The following NAV2 variants were observed in gnomAD, a reference collection of about 807,000 sequenced individuals.
The protein encoded by NAV2 is helicase, APC down-regulated 1.
Under a neutral mutation model 223.2 loss-of-function variants are expected in NAV2, and 54 were observed. The observed-to-expected ratio is 0.24, with a 90% CI of 0.19 to 0.30. The LOEUF (loss-of-function observed/expected upper bound fraction) is 0.30. NAV2 is among the 10% of genes least tolerant of loss of function. The pLI, the probability that NAV2 is intolerant of heterozygous loss-of-function variation, is 1.00. For missense variants in NAV2, 2,806 were observed against 3,147.5 expected, an observed-to-expected ratio of 0.89 and a Z score of 2.60; for synonymous variants, 1,279 against 1,239.3, an observed-to-expected ratio of 1.03 and a Z score of -0.67.
rs183041126 is a variant in NAV2, at chr11:19,917,264, A to C, written c.932-15912A>C. Among the ~76,000 whole-genome samples, 471 of 152,162 alleles carry C rather than the reference A, an allele frequency of 3.1e-3. 1 individual carries two copies. Among genetic ancestry groups the C allele is most frequent in the Non-Finnish European group, 3.8e-3 (260 of 67,986 alleles). On this transcript the variant is annotated intron_variant, in intron 6 of 37. Transcript: ENST00000349880. ...CTCCCACATTCTGAACAAGAAGCCC[A>C]CCTCCTTGCTGGTTTCCAAGAGATA...
chr11:19,402,634 C>A (rs1009506070), intron 1 of NAV2, among the ~76,000 whole-genome samples: 2 of 152,130 alleles, frequency 1.3e-5, no homozygotes, highest in East Asian at 1.9e-4. Context: ...CTGGAACAAC[C>A]CCTCGCACAT....
intron 3 of NAV2, among the ~76,000 whole-genome samples, chr11:19,851,750 C>T (rs928110711): frequency 2.0e-4 from 31 of 152,198 alleles, no homozygotes; most frequent in Non-Finnish European, 4.6e-4. Flanking sequence ...AACCCATCCC[C>T]AACAATGTTC....
chr11:19,701,403 T>A (rs936894132), intron 1 of NAV2, among the ~76,000 whole-genome samples: 2 of 152,176 alleles, frequency 1.3e-5, no homozygotes, highest in Non-Finnish European at 2.9e-5. Context: ...CATACTCAAA[T>A]CAGCCCTTTG....
Position 19,994,438 on chromosome 11 carries a change from G to A in NAV2, c.2768+10191G>A, listed in dbSNP as rs148095074. ...GGCGGGCGCCTGTAATCCCAGCTGC[G>A]CAGCAGGCTGAGACAGGAGAATCGC... On this transcript the variant is annotated intron_variant, in intron 11 of 37. Transcript: ENST00000349880. Among the ~76,000 whole-genome samples, 421 of 152,042 alleles carry A rather than the reference G, an allele frequency of 2.8e-3. 1 individual carries two copies. Among genetic ancestry groups the A allele is most frequent in the African/African-American group, 9.5e-3 (393 of 41,474 alleles).
At chr11:19,977,445 G>T (rs145726088) in intron 10 of NAV2, among the ~76,000 whole-genome samples, 26 of 152,274 alleles carry the variant, frequency 1.7e-4, no homozygotes, top group African/African-American at 6.0e-4. Context: ...TGTGTTCTTC[G>T]CTTGAATTTC....
chr11:20,073,358 C>G (rs985587230), intron 22 of NAV2, among the ~76,000 whole-genome samples: 2 of 152,234 alleles, frequency 1.3e-5, no homozygotes, highest in East Asian at 3.9e-4. Flanking sequence ...CGAGGATTTT[C>G]ACATTGATGT....
intron 1 of NAV2, among the ~76,000 whole-genome samples, chr11:19,756,477 T>C (rs2152520477): frequency 6.6e-6 from 1 of 152,316 alleles, no homozygotes; most frequent in African/African-American, 2.4e-5. Flanking sequence ...GGGGCAGTCA[T>C]GAAGGGTGAC....
chr11:19,684,410 A>G (rs2048965047), intron 1 of NAV2, among the ~76,000 whole-genome samples: 2 of 152,010 alleles, frequency 1.3e-5, no homozygotes, highest in South Asian at 4.2e-4. Flanking sequence ...CTGAGACCCC[A>G]GTGATGAAGG....
chr11:19,820,212 C>T (rs1017741237), intron 1 of NAV2, among the ~76,000 whole-genome samples: 2 of 152,244 alleles, frequency 1.3e-5, no homozygotes, highest in African/African-American at 4.8e-5. Flanking sequence ...CAGGCAGTGG[C>T]ACTGATTGAT....
chr11:20,103,596 C>T, intron 33 of NAV2, 57 bp from the exon 34 acceptor site: 1 of 1,590,460 alleles, frequency 6.3e-7, no homozygotes, highest in Non-Finnish European at 8.6e-7. Context: ...CTGTGACCAC[C>T]TTGTTCTCTA....
intron 1 of NAV2, among the ~76,000 whole-genome samples, chr11:19,642,653 G>A (rs1033231212): frequency 9.2e-5 from 14 of 152,088 alleles, no homozygotes; most frequent in Admixed American, 3.3e-4. Flanking sequence ...TGAGCATCTC[G>A]GAATAAGATC....
intron 36 of NAV2, among the ~76,000 whole-genome samples, chr11:20,112,757 C>T (rs979317643): frequency 7.2e-5 from 11 of 152,318 alleles, no homozygotes; most frequent in African/African-American, 2.6e-4. Context: ...CTCTGCCTGA[C>T]AGCCTTTCTC....
At chr11:20,086,510 C>T (rs1013659393) in intron 26 of NAV2, among the ~76,000 whole-genome samples, 1 of 152,166 alleles carries the variant, frequency 6.6e-6, no homozygotes, top group Non-Finnish European at 1.5e-5. Context: ...TTCATTTTTC[C>T]CCATTGCACA....
chr11:19,411,295 C>T (rs528149065), intron 1 of NAV2, among the ~76,000 whole-genome samples: 4 of 152,312 alleles, frequency 2.6e-5, no homozygotes, highest in Admixed American at 2.0e-4. Context: ...CATTGAAAGC[C>T]ACTGGGTTGT....
chr11:19,683,422 G>A (rs1353860590), intron 1 of NAV2, among the ~76,000 whole-genome samples: 1 of 152,238 alleles, frequency 6.6e-6, no homozygotes, highest in African/African-American at 2.4e-5. Flanking sequence ...TCCTAGCAAG[G>A]ACTGAATTTT....
At chr11:19,842,528 C>T (rs569879774) in intron 2 of NAV2, among the ~76,000 whole-genome samples, 13 of 152,272 alleles carry the variant, frequency 8.5e-5, no homozygotes, top group South Asian at 2.1e-4. Flanking sequence ...TCTTTTGTGA[C>T]GGTTGTATTT....
At chr11:19,813,585 C>T (rs1377756957) in intron 1 of NAV2, among the ~76,000 whole-genome samples, 1 of 152,098 alleles carries the variant, frequency 6.6e-6, no homozygotes, top group East Asian at 1.9e-4. Context: ...GAGGGCCGCC[C>T]AGTGGGTTGG....
rs140213768 is a variant in NAV2, at chr11:19,852,133, T to A, written c.438+9210T>A. 9.1e-4 allele frequency among the ~76,000 whole-genome samples: 139 copies of A among 152,362 alleles called. 1 individual carries two copies. Among genetic ancestry groups the A allele is most frequent in the South Asian group, 6.4e-3 (31 of 4,826 alleles). On this transcript the variant is annotated intron_variant, in intron 3 of 37. Coordinates refer to ENST00000349880, the MANE Select transcript of NAV2 (RefSeq NM_145117.5). ...AGCCCACTGAGACTGATTTTGGACT[T>A]CTGACCTCCAGAACTGTAGATAATA...
chr11:19,369,559 T>C (rs1215253893), intron 1 of NAV2, among the ~76,000 whole-genome samples: 1 of 152,202 alleles, frequency 6.6e-6, no homozygotes, highest in African/African-American at 2.4e-5. Context: ...CAATATCCTT[T>C]GCAAACTTTT....
Sources: allele counts gnomAD v4.1 joint callset (sites outside exome capture counted in the v4.1 genomes callset), GRCh38; gene constraint gnomAD v4.1.1; transcripts MANE v1.5; gene names NCBI Gene and HGNC (gene_info 2026-07-23, HGNC 2026-07-21).